PXDNL: variants seen among roughly 807,000 people sequenced by gnomAD.
PXDNL encodes the protein peroxidasin like.
PXDNL carries 145 observed loss-of-function variants against 150.8 expected under a neutral mutation model. The observed-to-expected ratio is 0.96, with a 90% CI of 0.84 to 1.10. PXDNL has a LOEUF of 1.10. Among genes scored for constraint, PXDNL ranks in the 50% least tolerant of loss-of-function variants. PXDNL has a pLI of 0.00. For missense variants in PXDNL, 2,087 were observed against 1,873.9 expected (o/e 1.11, Z -2.10); for synonymous variants, 757 against 725.7 (o/e 1.04, Z -0.69).
At chr8:51,647,018 C>A (rs10105608) in intron 2 of PXDNL, among the ~76,000 whole-genome samples, 23,936 of 152,004 alleles carry the variant, frequency 0.16, 3,540 homozygotes, top group African/African-American at 0.39. Context: ...AAGGATACAA[C>A]GTACTTTTAA....
chr8:51,441,618 T>C (rs1454925238), intron 12 of PXDNL, among the ~76,000 whole-genome samples: 5 of 152,200 alleles, frequency 3.3e-5, no homozygotes, highest in Non-Finnish European at 7.3e-5. Flanking sequence ...TTTCCTAATA[T>C]ACATTCTCCA....
intron 14 of PXDNL, among the ~76,000 whole-genome samples, chr8:51,417,064 A>T (rs191814013): frequency 6.6e-5 from 10 of 152,328 alleles, no homozygotes; most frequent in Non-Finnish European, 1.5e-4. Flanking sequence ...TGTGTTATGT[A>T]AGCAAATCCA....
At chr8:51,544,747 A>C (rs1316589078) in intron 4 of PXDNL, among the ~76,000 whole-genome samples, 1 of 152,128 alleles carries the variant, frequency 6.6e-6, no homozygotes, top group Non-Finnish European at 1.5e-5. Flanking sequence ...GTATTTTTAT[A>C]CTCATTGTGA....
chr8:51,595,927 G>A (rs921446371), intron 2 of PXDNL, among the ~76,000 whole-genome samples: 2 of 151,960 alleles, frequency 1.3e-5, no homozygotes, highest in African/African-American at 4.8e-5. Flanking sequence ...TTAGATTCAG[G>A]GGGCACATGT....
At chr8:51,337,421 G>A (rs1047652108) in intron 21 of PXDNL, among the ~76,000 whole-genome samples, 1 of 152,168 alleles carries the variant, frequency 6.6e-6, no homozygotes, top group African/African-American at 2.4e-5. Context: ...ACTTTTCTTT[G>A]CTGTTACAAC....
chr8:51,496,387 T>C (rs895300979), intron 5 of PXDNL, among the ~76,000 whole-genome samples: 1 of 152,070 alleles, frequency 6.6e-6, no homozygotes, highest in African/African-American at 2.4e-5. Context: ...GGATGCCCTC[T>C]CTCACCACTC....
At chr8:51,802,237 G>C (rs1423060318) in intron 1 of PXDNL, among the ~76,000 whole-genome samples, 1 of 151,144 alleles carries the variant, frequency 6.6e-6, no homozygotes, top group Admixed American at 6.6e-5. Context: ...AATGTTTCTT[G>C]GTGTTTTTAC....
intron 17 of PXDNL, among the ~76,000 whole-genome samples, chr8:51,395,544 T>C (rs954680384): frequency 6.6e-6 from 1 of 152,114 alleles, no homozygotes; most frequent in Non-Finnish European, 1.5e-5. Context: ...ATTCAAATTA[T>C]GAGACAAAAG....
chr8:51,675,281 TG>T (rs1439600878), intron 1 of PXDNL, among the ~76,000 whole-genome samples: 3 of 152,208 alleles, frequency 2.0e-5, no homozygotes, highest in African/African-American at 7.2e-5. Context: ...CTTTTGTGGA[TG>T]AGATTAAGGC....
intron 5 of PXDNL, among the ~76,000 whole-genome samples, chr8:51,487,103 T>C (rs1810784454): frequency 6.6e-6 from 1 of 152,020 alleles, no homozygotes; most frequent in African/African-American, 2.4e-5. Flanking sequence ...GAAAAGTTTA[T>C]ATAATTATTT....
chr8:51,723,216 T>A (rs974806549), intron 1 of PXDNL, among the ~76,000 whole-genome samples: 6 of 142,988 alleles, frequency 4.2e-5, no homozygotes, highest in African/African-American at 7.7e-5. Context: ...AAAAAAAAAA[T>A]CTTTACTTTT....
chr8:51,534,374 A>C (rs1481685025), intron 4 of PXDNL, among the ~76,000 whole-genome samples: 13 of 128,994 alleles, frequency 1.0e-4, no homozygotes, highest in South Asian at 2.7e-4. Flanking sequence ...AGCCCCCGCC[A>C]GGCCAGCCGC....
chr8:51,480,630 T>G (rs1467150022), intron 6 of PXDNL, among the ~76,000 whole-genome samples: 1 of 152,094 alleles, frequency 6.6e-6, no homozygotes, highest in Non-Finnish European at 1.5e-5. Context: ...CCCACCCAAA[T>G]CTCACCTTGA....
chr8:51,736,601 C>G (rs545427965), intron 1 of PXDNL, among the ~76,000 whole-genome samples: 1 of 152,308 alleles, frequency 6.6e-6, no homozygotes, highest in Admixed American at 6.5e-5. Flanking sequence ...GTAACAAAGG[C>G]AAAGGAAGCA....
intron 1 of PXDNL, among the ~76,000 whole-genome samples, chr8:51,702,263 C>T (rs931761424): frequency 2.6e-5 from 4 of 152,096 alleles, no homozygotes; most frequent in Admixed American, 6.6e-5. Context: ...GACTTGTTTG[C>T]TAGTTGGCAT....
intron 4 of PXDNL, among the ~76,000 whole-genome samples, chr8:51,500,342 C>A (rs1811154802): frequency 2.0e-5 from 3 of 152,158 alleles, no homozygotes; most frequent in African/African-American, 4.8e-5. Flanking sequence ...ACCTTGGTAT[C>A]CCCTCTGTGC....
chr8:51,528,999 A>T (rs59179309), intron 4 of PXDNL, among the ~76,000 whole-genome samples: 3,750 of 152,262 alleles, frequency 0.025, 141 homozygotes, highest in African/African-American at 0.086. Context: ...TTAAGATGCT[A>T]TGGTTGTGGT....
In PXDNL at chr8:51,686,349, G is replaced by A. The variant is rs549610621; in HGVS notation, c.165-31589C>T. On this transcript the variant is annotated intron_variant, in intron 1 of 22. Coordinates refer to ENST00000356297, the MANE Select transcript of PXDNL (RefSeq NM_144651.5). The stretch of plus-strand genomic sequence containing the variant: ...TCTTCCCAGCCTGGAATGATTCATA[G>A]TGGCCATGAGCCGGTACTTGGAGTA... Among the ~76,000 whole-genome samples, 3 of 152,354 alleles carry A rather than the reference G, an allele frequency of 2.0e-5. No homozygotes were observed. In the East Asian group the frequency reaches 5.8e-4, roughly 29 times the overall value.
intron 2 of PXDNL, among the ~76,000 whole-genome samples, chr8:51,648,805 A>G (rs1281087587): frequency 6.6e-6 from 1 of 152,244 alleles, no homozygotes; most frequent in Non-Finnish European, 1.5e-5. Flanking sequence ...TCACCCAGGT[A>G]GAAGATTCTA....
Sources: allele counts gnomAD v4.1 joint callset (sites outside exome capture counted in the v4.1 genomes callset), GRCh38; gene constraint gnomAD v4.1.1; transcripts MANE v1.5; gene names NCBI Gene and HGNC (gene_info 2026-07-23, HGNC 2026-07-21).